The following STARD13 variants were observed in gnomAD, a reference collection of about 807,000 sequenced individuals.
STARD13 encodes StAR related lipid transfer domain containing 13.
A neutral mutation model predicts 106.4 loss-of-function variants in STARD13; 62 were observed. The ratio of observed to expected loss-of-function variants is 0.58; its 90% CI spans 0.48 to 0.72. STARD13 has a LOEUF of 0.72. Among genes scored for constraint, STARD13 ranks in the 30% least tolerant of loss-of-function variants. The probability of loss-of-function intolerance (pLI) is 0.00; values close to 1 mark genes in which losing one functional copy is unlikely to be tolerated. For missense variants in STARD13, 1,387 were observed against 1,424.0 expected (o/e 0.97, Z 0.42); for synonymous variants, 565 against 553.0 (o/e 1.02, Z -0.31).
the STARD13 span, among the ~76,000 whole-genome samples, chr13:33,671,170 G>A: frequency 1.3e-5 from 2 of 152,084 alleles, no homozygotes; most frequent in South Asian, 2.1e-4. Flanking sequence ...TTCCTATTAG[G>A]CATTGCTTAT....
At chr13:33,156,192 C>T (rs953686749) in intron 3 of STARD13, among the ~76,000 whole-genome samples, 1 of 152,156 alleles carries the variant, frequency 6.6e-6, no homozygotes, top group Non-Finnish European at 1.5e-5. Flanking sequence ...CGAAAACTGC[C>T]CATCAATTTC....
chr13:33,161,131 T>A (rs1367436346), intron 3 of STARD13, among the ~76,000 whole-genome samples: 1 of 152,200 alleles, frequency 6.6e-6, no homozygotes, highest in Non-Finnish European at 1.5e-5. Context: ...GAATTTTTAT[T>A]ATTTTATAAC....
chr13:33,572,567 A>G, the STARD13 span, among the ~76,000 whole-genome samples: 2 of 152,184 alleles, frequency 1.3e-5, no homozygotes, highest in Non-Finnish European at 2.9e-5. Flanking sequence ...TGTTTCTTAT[A>G]TCAAATGCAA....
chr13:33,575,171 C>G, the STARD13 span, among the ~76,000 whole-genome samples: 284 of 152,198 alleles, frequency 1.9e-3, 4 homozygotes, highest in African/African-American at 6.7e-3. Context: ...CTGCCTCAGC[C>G]TCCCAAAATG....
chr13:33,370,072 G>C, the STARD13 span, among the ~76,000 whole-genome samples: 1 of 152,044 alleles, frequency 6.6e-6, no homozygotes, highest in Non-Finnish European at 1.5e-5. Context: ...TAGCTTCTCT[G>C]GTGTTTCTGC....
chr13:33,110,087 C>T lies in STARD13; in HGVS notation c.2833G>A (p.Gly945Ser). 1 of 1,613,992 alleles carries T rather than the reference C, an allele frequency of 6.2e-7. No individual in the cohort carries two copies. Among genetic ancestry groups the T allele is most frequent in the South Asian group, 1.1e-5 (1 of 91,070 alleles). Reference protein sequence around the residue: ...DNTDLAFKKVGDGNPLKLWKA... With the variant: ...DNTDLAFKKVSDGNPLKLWKA... ...CACAGCTTCAGCGGGTTCCCGTCGCCCACCTTGGGAAAGACAACGTCAGAA... is the reference window on the plus strand; with the variant it reads ...CACAGCTTCAGCGGGTTCCCGTCGCTCACCTTGGGAAAGACAACGTCAGAA... The change falls in exon 12 of 14, where the codon GGC (glycine) becomes AGC (serine). Residue 945 changes from glycine to serine, a missense_variant. By Grantham distance (56) the Gly-to-Ser change is moderately conservative (BLOSUM62 0). Transcript: ENST00000336934.
intron 1 of STARD13, among the ~76,000 whole-genome samples, chr13:33,317,837 A>G (rs1267191548): frequency 6.6e-6 from 1 of 152,214 alleles, no homozygotes; most frequent in Non-Finnish European, 1.5e-5. Context: ...AAGTTTTTCC[A>G]GAATGAATGG....
the STARD13 span, among the ~76,000 whole-genome samples, chr13:33,663,317 A>G: frequency 6.6e-6 from 1 of 152,218 alleles, no homozygotes; most frequent in South Asian, 2.1e-4. Flanking sequence ...TAAAAGATCC[A>G]AAAATATTAT....
At chr13:33,651,525 T>C in the STARD13 span, among the ~76,000 whole-genome samples, 2 of 152,240 alleles carry the variant, frequency 1.3e-5, no homozygotes. Context: ...ATAAATTATA[T>C]GATTTGATCA....
intron 1 of STARD13, among the ~76,000 whole-genome samples, chr13:33,210,129 C>T (rs1302410751): frequency 6.6e-6 from 1 of 152,164 alleles, no homozygotes; most frequent in Non-Finnish European, 1.5e-5. Context: ...AATATGGCTC[C>T]TTGGGGACTT....
At chr13:33,612,857 T>C in the STARD13 span, among the ~76,000 whole-genome samples, 5,382 of 152,308 alleles carry the variant, frequency 0.035, 366 homozygotes, top group East Asian at 0.29. Context: ...TCACAGATGT[T>C]CTGTCAAAGG....
chr13:33,126,264 A>T, intron 6 of STARD13, 24 bp from the exon 7 acceptor site: 1 of 1,611,580 alleles, frequency 6.2e-7, no homozygotes, highest in Non-Finnish European at 8.5e-7. Context: ...AAACCAGGTC[A>T]TGCAAGCCTC....
intron 1 of STARD13, chr13:33,350,156 C>T: frequency 1.6e-6 from 2 of 1,237,390 alleles, no homozygotes; most frequent in Non-Finnish European, 2.1e-6. Flanking sequence ...GTGCCCGCAG[C>T]CCGCTCGCCC....
chr13:33,104,513 A>G lies in STARD13; in HGVS notation c.*1080T>C, dbSNP rs1392840889. The G allele has an allele frequency of 6.5e-6, 1 of 152,672 alleles. No individual in the cohort carries two copies. Among genetic ancestry groups the G allele is most frequent in the African/African-American group, 2.4e-5 (1 of 41,460 alleles). 9.5% of individuals were successfully genotyped at this position (152,672 alleles called of 1,614,324 possible). A position where few individuals can be genotyped will look rare whatever the true frequency, so the allele number is the denominator to read the frequency against. ...CAAAATATGAATTCCCTGAAGCTGT[A>G]ACGATCTAGGATTTGAACGGAATGG... is the stretch of plus-strand genomic sequence containing the variant. On this transcript the variant is annotated 3_prime_UTR_variant, in exon 14 of 14. Transcript: ENST00000336934.
chr13:33,464,400 C>A, the STARD13 span, among the ~76,000 whole-genome samples: 1 of 152,094 alleles, frequency 6.6e-6, no homozygotes, highest in Admixed American at 6.5e-5. Context: ...TGCTCCAAAA[C>A]CTTATTTGAT....
At chr13:33,593,260 C>T in the STARD13 span, among the ~76,000 whole-genome samples, 1 of 152,142 alleles carries the variant, frequency 6.6e-6, no homozygotes, top group African/African-American at 2.4e-5. Context: ...TCTCTACCCA[C>T]TGCAACCTCT....
At chr13:33,149,629 T>C (rs1007162143) in intron 3 of STARD13, among the ~76,000 whole-genome samples, 5 of 152,202 alleles carry the variant, frequency 3.3e-5, no homozygotes, top group Non-Finnish European at 7.3e-5. Flanking sequence ...TCTATGGTTG[T>C]CTGAAACTAG....
chr13:33,400,340 A>G, the STARD13 span, among the ~76,000 whole-genome samples: 1 of 152,148 alleles, frequency 6.6e-6, no homozygotes, highest in African/African-American at 2.4e-5. Context: ...CATTGTGTGA[A>G]TATATATATG....
chr13:33,374,942 G>T, the STARD13 span, among the ~76,000 whole-genome samples: 1 of 152,118 alleles, frequency 6.6e-6, no homozygotes, highest in South Asian at 2.1e-4. Flanking sequence ...ATTAGAAATG[G>T]TGATGCCAAT....
Sources: gnomAD v4.1 joint callset for allele counts (sites outside exome capture counted in the v4.1 genomes callset) on GRCh38, gnomAD v4.1.1 for gene constraint, MANE v1.5 for transcripts, NCBI Gene and HGNC (gene_info 2026-07-23, HGNC 2026-07-21) for gene names.